Variants in FUT8 observed in about 807,000 individuals in gnomAD.
FUT8 encodes alpha-(1,6)-fucosyltransferase.
FUT8 carries 29 observed loss-of-function variants against 71.3 expected under a neutral mutation model. The ratio of observed to expected loss-of-function variants is 0.41; its 90% CI spans 0.30 to 0.55. The LOEUF is 0.55. Among genes scored for constraint, FUT8 ranks in the 20% least tolerant of loss-of-function variants. FUT8 has a pLI of 0.34. For missense variants in FUT8, 544 were observed against 702.1 expected (o/e 0.77, Z 2.55); for synonymous variants, 254 against 239.3 (o/e 1.06, Z -0.57).
At chr14:65,362,178 T>C in the FUT8 span, among the ~76,000 whole-genome samples, 4 of 152,202 alleles carry the variant, frequency 2.6e-5, no homozygotes, top group Admixed American at 1.3e-4. Context: ...TGTTTTACAA[T>C]CTATGATTTA....
At chr14:65,545,041 T>G (rs758520188) in intron 2 of FUT8, among the ~76,000 whole-genome samples, 1 of 151,694 alleles carries the variant, frequency 6.6e-6, no homozygotes, top group South Asian at 2.1e-4. Context: ...TTTCGTTGTC[T>G]TCATTTCAGT....
At chr14:65,576,059 C>T (rs1450946594) in intron 3 of FUT8, among the ~76,000 whole-genome samples, 2 of 152,176 alleles carry the variant, frequency 1.3e-5, no homozygotes, top group African/African-American at 4.8e-5. Flanking sequence ...TTGACTTTCT[C>T]CTCACTACAA....
At chr14:65,379,519 G>C in the FUT8 span, among the ~76,000 whole-genome samples, 3 of 151,860 alleles carry the variant, frequency 2.0e-5, no homozygotes, top group Non-Finnish European at 4.4e-5. Flanking sequence ...AACAGAGGGA[G>C]ACTCTGTCTC....
At chr14:65,378,812 A>T in the FUT8 span, among the ~76,000 whole-genome samples, 1 of 146,528 alleles carries the variant, frequency 6.8e-6, no homozygotes, top group Non-Finnish European at 1.5e-5. Context: ...ATATAGTAAT[A>T]CTTCTAAAAA....
intron 3 of FUT8, among the ~76,000 whole-genome samples, chr14:65,598,239 C>T (rs530370003): frequency 1.3e-4 from 20 of 151,742 alleles, no homozygotes; most frequent in African/African-American, 3.4e-4. Context: ...TTTTTTTTTC[C>T]GAGACGGGAG....
At chr14:65,487,685 C>T (rs2066430092) in intron 2 of FUT8, among the ~76,000 whole-genome samples, 1 of 151,806 alleles carries the variant, frequency 6.6e-6, no homozygotes, top group Non-Finnish European at 1.5e-5. Context: ...TAGAAGGGCC[C>T]ATTATCTTGC....
At chr14:65,683,998 CTTCTT>C (rs955264076) in intron 7 of FUT8, among the ~76,000 whole-genome samples, 4 of 151,826 alleles carry the variant, frequency 2.6e-5, no homozygotes, top group African/African-American at 9.7e-5. Context: ...AGTGAAATCT[CTTCTT>C]TGAACATTTT....
At chr14:65,700,034 A>G (rs573347327) in intron 7 of FUT8, among the ~76,000 whole-genome samples, 3 of 152,200 alleles carry the variant, frequency 2.0e-5, no homozygotes, top group Non-Finnish European at 4.4e-5. Flanking sequence ...AGGAAAAGAA[A>G]TAATTTGTTG....
In FUT8 at chr14:65,561,345, G is replaced by A; in HGVS notation, c.-219G>A. 1 of 543,300 alleles carries A rather than the reference G, an allele frequency of 1.8e-6. No homozygotes were observed. Among genetic ancestry groups the A allele is most frequent in the Admixed American group, 3.1e-5 (1 of 32,588 alleles). 33.7% of individuals were successfully genotyped at this position (543,300 alleles called of 1,614,324 possible). On this transcript the variant is annotated 5_prime_UTR_variant, in exon 3 of 11. Coordinates refer to ENST00000673929, the MANE Select transcript of FUT8 (RefSeq NM_001371533.1). The stretch of plus-strand genomic sequence containing the variant: ...TCTTACTCTTTCCACAGCATGTAGA[G>A]CGCATGAAGTACAGGACAATAAAGC...
In FUT8 at chr14:65,483,436, C is replaced by CT. The variant is rs2066361563; in HGVS notation, c.-228+27719dup. Among the ~76,000 whole-genome samples the CT allele has an allele frequency of 6.6e-6, 1 of 152,136 alleles. No individual in the cohort carries two copies. Among genetic ancestry groups the CT allele is most frequent in the African/African-American group, 2.4e-5 (1 of 41,414 alleles). On this transcript the variant is annotated intron_variant, in intron 2 of 10. Coordinates refer to ENST00000673929, the MANE Select transcript of FUT8 (RefSeq NM_001371533.1). This position sits in a 1 kb window ranked among gnomAD's most constrained non-coding sequence, Gnocchi z 4.4. ...CTTTTCAAATTACTGTGTGGCTTTT[C>CT]TCTCCGGAATGGCTTTACATTTCCA...
chr14:65,699,817 T>G (rs1894192766), intron 7 of FUT8, among the ~76,000 whole-genome samples: 3 of 152,072 alleles, frequency 2.0e-5, no homozygotes, highest in South Asian at 2.1e-4. Context: ...TATTTACTGG[T>G]TTTTTTTATA....
At chr14:65,654,105 T>C (rs572434014) in intron 6 of FUT8, among the ~76,000 whole-genome samples, 1 of 152,258 alleles carries the variant, frequency 6.6e-6, no homozygotes, top group South Asian at 2.1e-4. Flanking sequence ...AGAAGCAAAA[T>C]TTTTTACAAT....
the FUT8 span, among the ~76,000 whole-genome samples, chr14:65,377,253 G>A: frequency 2.9e-4 from 44 of 152,244 alleles, 1 homozygote; most frequent in East Asian, 8.3e-3. Flanking sequence ...TTTACAAAGG[G>A]TGCAGCTTTG....
chr14:65,365,476 T>G, the FUT8 span, among the ~76,000 whole-genome samples: 1 of 152,114 alleles, frequency 6.6e-6, no homozygotes, highest in African/African-American at 2.4e-5. Flanking sequence ...CTGGGCTGCC[T>G]TCCCAGATGG....
chr14:65,671,480 A>G (rs1402276551), intron 7 of FUT8, among the ~76,000 whole-genome samples: 1 of 152,172 alleles, frequency 6.6e-6, no homozygotes, highest in African/African-American at 2.4e-5. Context: ...TGACTTACCC[A>G]GGGTCATACA....
chr14:65,555,873 A>G (rs1479941880), intron 2 of FUT8, among the ~76,000 whole-genome samples: 1 of 152,200 alleles, frequency 6.6e-6, no homozygotes, highest in Non-Finnish European at 1.5e-5. Flanking sequence ...TACCTCTGGT[A>G]TTAGTATAAA....
intron 2 of FUT8, among the ~76,000 whole-genome samples, chr14:65,559,028 G>T (rs1203938267): frequency 2.0e-5 from 3 of 151,904 alleles, no homozygotes; most frequent in Non-Finnish European, 4.4e-5. Context: ...ATTTTTTGTT[G>T]TACAAATTTT....
intron 7 of FUT8, 108 bp from the exon 8 acceptor site, chr14:65,721,667 T>G (rs1044777102): frequency 1.0e-5 from 11 of 1,080,688 alleles, no homozygotes; most frequent in Non-Finnish European, 1.4e-5. Flanking sequence ...AAGATTATAC[T>G]TCTTTAGAGT....
chr14:65,487,575 A>AAC (rs2066427674), intron 2 of FUT8, among the ~76,000 whole-genome samples: 3 of 151,858 alleles, frequency 2.0e-5, no homozygotes, highest in African/African-American at 7.3e-5. Flanking sequence ...AAAAAAAAAA[A>AAC]AAAAAAAAAA....
Sources: gnomAD v4.1 joint callset for allele counts (sites outside exome capture counted in the v4.1 genomes callset) on GRCh38, gnomAD v4.1.1 for gene constraint, Gnocchi (gnomAD v3.1) non-coding constraint, MANE v1.5 for transcripts, NCBI Gene and HGNC (gene_info 2026-07-23, HGNC 2026-07-21) for gene names.